The following IL23R variants were observed in gnomAD, a reference collection of about 807,000 sequenced individuals.
IL23R encodes the protein interleukin-23 receptor.
IL23R carries 34 observed loss-of-function variants against 56.9 expected under a neutral mutation model. The ratio of observed to expected loss-of-function variants is 0.60; its 90% CI spans 0.45 to 0.80. The LOEUF is 0.80. Among genes scored for constraint, IL23R ranks in the 30% least tolerant of loss-of-function variants. The pLI is 0.00. For synonymous variants in IL23R, 230 were observed against 249.2 expected, an observed-to-expected ratio of 0.92 and a Z score of 0.73; for missense variants, 635 against 730.0, an observed-to-expected ratio of 0.87 and a Z score of 1.50.
At chr1:67,163,815 C>T (rs1646845704), upstream of IL23R, among the ~76,000 whole-genome samples, 1 of 152,190 alleles carries the variant, frequency 6.6e-6, no homozygotes, top group Admixed American at 6.5e-5. Context: ...CTTGCACCGG[C>T]TATAGAACTG....
intron 7 of IL23R, among the ~76,000 whole-genome samples, chr1:67,228,045 CTT>C (rs1558254181): frequency 1.3e-4 from 13 of 97,726 alleles, no homozygotes; most frequent in Admixed American, 2.6e-4. Flanking sequence ...CTTTCTTTCT[CTT>C]TCTTTCTTTC....
chr1:67,251,883 T>C (rs879563161), intron 9 of IL23R, among the ~76,000 whole-genome samples: 4 of 152,200 alleles, frequency 2.6e-5, no homozygotes, highest in Non-Finnish European at 4.4e-5. Context: ...CTACTCAACT[T>C]AATTTTTAGA....
intron 3 of IL23R, among the ~76,000 whole-genome samples, chr1:67,182,166 C>T (rs150312881): frequency 0.021 from 3,215 of 152,260 alleles, 101 homozygotes; most frequent in African/African-American, 0.073. Flanking sequence ...AGCTGTCAGA[C>T]GGGGACATTT....
chr1:67,234,800 T>G (rs1240035270), intron 7 of IL23R, among the ~76,000 whole-genome samples: 4 of 147,082 alleles, frequency 2.7e-5, no homozygotes, highest in African/African-American at 1.0e-4. Context: ...CTCTGCCTCC[T>G]GGGTTCAAGT....
intron 1 of IL23R, among the ~76,000 whole-genome samples, chr1:67,149,801 C>A (rs541463495): frequency 6.6e-6 from 1 of 152,218 alleles, no homozygotes; most frequent in African/African-American, 2.4e-5. Context: ...AGAGTATTTG[C>A]TGTTGAAAAA....
Position 67,259,170 on chromosome 1 carries a change from T to C in IL23R, c.*42T>C, listed in dbSNP as rs1423921104. 7 of 1,601,458 alleles carry C rather than the reference T, an allele frequency of 4.4e-6. No homozygotes were observed. The highest frequency in any genetic ancestry group is 1.7e-5 in the Admixed American group (1 of 59,902). On this transcript the variant is annotated 3_prime_UTR_variant, in exon 11 of 11. Coordinates refer to ENST00000347310, the MANE Select transcript of IL23R (RefSeq NM_144701.3). The stretch of plus-strand genomic sequence containing the variant: ...TCAATATGAGAAAGCTGCCTTGCAA[T>C]CTGAACTTGGGTTTTCCCTGCAATA...
intron 4 of IL23R, among the ~76,000 whole-genome samples, chr1:67,184,191 C>T (rs1478819788): frequency 2.6e-5 from 4 of 151,914 alleles, no homozygotes; most frequent in South Asian, 2.1e-4. Context: ...GCTGAGATCA[C>T]GCCACTGCAC....
chr1:67,248,978 C>T (rs1049578076), intron 9 of IL23R, among the ~76,000 whole-genome samples: 2 of 152,172 alleles, frequency 1.3e-5, no homozygotes, highest in African/African-American at 4.8e-5. Flanking sequence ...TCAGCCCCCC[C>T]TCCATGAGCT....
chr1:67,236,928 T>C, intron 8 of IL23R, 126 bp downstream of exon 8: 2 of 699,986 alleles, frequency 2.9e-6, no homozygotes, highest in South Asian at 1.6e-5. Context: ...ATGTCTTCCA[T>C]AGGAAAATAA....
At chr1:67,227,049 C>T (rs1650667309) in intron 7 of IL23R, among the ~76,000 whole-genome samples, 1 of 152,236 alleles carries the variant, frequency 6.6e-6, no homozygotes, top group Non-Finnish European at 1.5e-5. Flanking sequence ...CCGCTGAGAG[C>T]TGCTGAAGTT....
chr1:67,232,834 A>T (rs1408463007), intron 7 of IL23R, among the ~76,000 whole-genome samples: 2 of 152,030 alleles, frequency 1.3e-5, no homozygotes, highest in African/African-American at 4.8e-5. Flanking sequence ...GCGGGAGGTA[A>T]TTGAATGGTG....
At position 67,182,901 on chromosome 1, in the gene IL23R, AC is replaced by A; in HGVS notation, c.435del (p.Trp146GlyfsTer9). On this transcript the variant is annotated frameshift_variant, in exon 4 of 11. Coordinates refer to ENST00000347310, the MANE Select transcript of IL23R (RefSeq NM_144701.3). LOFTEE classifies it high-confidence loss of function. ...TGAATATTCAGGCAACATGACTTGC[AC>A]CTGGAATGCTGGGAAGCTCACCTAC... Reference protein sequence around the residue: ...IYEYSGNMTCTWNAGKLTYID... With the variant: ...IYEYSGNMTCXWNAGKLTYID... 1 of 1,614,074 alleles carries A rather than the reference AC, an allele frequency of 6.2e-7. No individual in the cohort carries two copies. The highest frequency in any genetic ancestry group is 8.5e-7 in the Non-Finnish European group (1 of 1,179,964).
At chr1:67,169,664 G>T in intron 3 of IL23R, 26 bp downstream of exon 3, 1 of 1,599,040 alleles carries the variant, frequency 6.3e-7, no homozygotes, top group Non-Finnish European at 8.6e-7. Context: ...CATTTGAAAT[G>T]CAAACAAAAG....
chr1:67,205,924 T>TTTCTTTC (rs1491459264), intron 5 of IL23R, among the ~76,000 whole-genome samples: 1 of 104,696 alleles, frequency 9.6e-6, no homozygotes, highest in African/African-American at 3.3e-5. Flanking sequence ...TCTTTCTTTC[T>TTTCTTTC]TTTTCTTTCT....
chr1:67,255,861 A>G lies in IL23R; in HGVS notation c.1173A>G (p.Leu391=). Residue 391 remains leucine (L), a synonymous_variant, in exon 10 of 11, where the codon TTA becomes TTG. Coordinates refer to ENST00000347310, the MANE Select transcript of IL23R (RefSeq NM_144701.3). ...GGATTAAAAGAAGGATCTTATTGTTAATACCAAAGTGGCTTTATGAAGATA... is the reference window on the plus strand; with the variant it reads ...GGATTAAAAGAAGGATCTTATTGTTGATACCAAAGTGGCTTTATGAAGATA... ...RTGIKRRILL[L]IPKWLYEDIP... The G allele has an allele frequency of 6.3e-7, 1 of 1,578,978 alleles. No homozygotes were observed. The highest frequency in any genetic ancestry group is 1.1e-5 in the South Asian group (1 of 90,374).
intron 9 of IL23R, 117 bp downstream of exon 9, chr1:67,240,398 G>T (rs1651771084): frequency 1.4e-6 from 1 of 713,014 alleles, no homozygotes; most frequent in East Asian, 2.7e-5. Flanking sequence ...TTCAGATAAA[G>T]GAAAATAAAA....
chr1:67,251,878 C>A (rs891067964), intron 9 of IL23R, among the ~76,000 whole-genome samples: 1 of 152,164 alleles, frequency 6.6e-6, no homozygotes, highest in Non-Finnish European at 1.5e-5. Flanking sequence ...TTTAACTACT[C>A]AACTTAATTT....
chr1:67,233,820 C>T (rs930058522), intron 7 of IL23R, among the ~76,000 whole-genome samples: 5 of 150,586 alleles, frequency 3.3e-5, no homozygotes, highest in African/African-American at 9.8e-5. Context: ...GACGTAACAC[C>T]ACAAACACCA....
At chr1:67,163,714 C>G (rs1294787094), upstream of IL23R, among the ~76,000 whole-genome samples, 1 of 152,118 alleles carries the variant, frequency 6.6e-6, no homozygotes, top group Non-Finnish European at 1.5e-5. Context: ...CCTGCTCTCT[C>G]CATGTGATGC....
Sources: allele counts gnomAD v4.1 joint callset (sites outside exome capture counted in the v4.1 genomes callset), GRCh38; gene constraint gnomAD v4.1.1; transcripts MANE v1.5; gene names NCBI Gene and HGNC (gene_info 2026-07-23, HGNC 2026-07-21).